CCDC73: variants seen among roughly 807,000 people sequenced by gnomAD.
CCDC73 encodes coiled-coil domain-containing protein 73.
CCDC73 carries 95 observed loss-of-function variants against 116.5 expected under a neutral mutation model. The observed-to-expected ratio is 0.82, with a 90% CI of 0.69 to 0.97. CCDC73 has a LOEUF of 0.97. Ranked by LOEUF, CCDC73 falls within the 50% of genes least tolerant of loss-of-function variation. The pLI, the probability that CCDC73 is intolerant of heterozygous loss-of-function variation, is 0.00. For missense variants in CCDC73, 1,066 were observed against 1,206.8 expected (o/e 0.88, Z 1.73); for synonymous variants, 398 against 401.3 (o/e 0.99, Z 0.10).
intron 2 of CCDC73, among the ~76,000 whole-genome samples, chr11:32,724,610 G>A (rs2133338705): frequency 6.6e-6 from 1 of 152,180 alleles, no homozygotes; most frequent in South Asian, 2.1e-4. Flanking sequence ...ATTTCATGTT[G>A]AAATCTGTAT....
At chr11:32,732,164 A>C (rs956873328) in intron 2 of CCDC73, among the ~76,000 whole-genome samples, 1 of 152,246 alleles carries the variant, frequency 6.6e-6, no homozygotes, top group Non-Finnish European at 1.5e-5. Context: ...AAGAAAGGGT[A>C]TCAGTGATTG....
At chr11:32,764,426 T>C (rs1404357583) in intron 1 of CCDC73, among the ~76,000 whole-genome samples, 3 of 151,758 alleles carry the variant, frequency 2.0e-5, no homozygotes, top group Non-Finnish European at 3.0e-5. Flanking sequence ...CAGCAGAAAC[T>C]CCACAAGCCA....
intron 14 of CCDC73, among the ~76,000 whole-genome samples, chr11:32,630,778 C>A (rs1194399175): frequency 2.0e-5 from 3 of 151,238 alleles, no homozygotes; most frequent in African/African-American, 7.3e-5. Context: ...AAAATACAAT[C>A]AACAGTTCTC....
At chr11:32,631,598 GAAGGA>G (rs1192669056) in intron 14 of CCDC73, among the ~76,000 whole-genome samples, 3 of 150,848 alleles carry the variant, frequency 2.0e-5, no homozygotes, top group African/African-American at 7.3e-5. Flanking sequence ...GGAAGGAAAG[GAAGGA>G]AAGGAAGGGA....
intron 6 of CCDC73, among the ~76,000 whole-genome samples, chr11:32,693,078 T>C (rs992995755): frequency 6.6e-5 from 10 of 152,352 alleles, no homozygotes; most frequent in East Asian, 1.9e-4. Flanking sequence ...TTTTGGAATA[T>C]GGTTTTTGTG....
chr11:32,755,613 G>A (rs1353414704), intron 2 of CCDC73, among the ~76,000 whole-genome samples: 1 of 114,592 alleles, frequency 8.7e-6, no homozygotes, highest in Non-Finnish European at 1.8e-5. Flanking sequence ...ATATATATGT[G>A]TGTGTATATA....
chr11:32,709,569 T>C (rs1435010494), intron 3 of CCDC73, among the ~76,000 whole-genome samples: 1 of 152,222 alleles, frequency 6.6e-6, no homozygotes, highest in African/African-American at 2.4e-5. Context: ...GTGCTGGGAT[T>C]ACAGGTGTGA....
chr11:32,744,155 CTT>C (rs1238337619), intron 2 of CCDC73, among the ~76,000 whole-genome samples: 3 of 152,054 alleles, frequency 2.0e-5, no homozygotes, highest in Non-Finnish European at 4.4e-5. Context: ...TTCTGCATCT[CTT>C]GAGATAATCA....
At chr11:32,796,187 C>T (rs1175906797), upstream of CCDC73, among the ~76,000 whole-genome samples, 6 of 152,136 alleles carry the variant, frequency 3.9e-5, 1 homozygote, top group South Asian at 4.1e-4. Context: ...ATCACCATCT[C>T]GTCTGGTATA....
Position 32,617,697 on chromosome 11 carries a change from G to A in CCDC73, c.1186-1568C>T, listed in dbSNP as rs190547037. ...AGGTGAGTCAAGATTGACTTCCGTA[G>A]TTCAGATTAGGTAAGTAGATGACTG... On this transcript the variant is annotated intron_variant, in intron 14 of 17. Transcript: ENST00000335185. Among the ~76,000 whole-genome samples, 10 of 152,302 alleles carry A rather than the reference G, an allele frequency of 6.6e-5. No individual in the cohort carries two copies. In the East Asian group the frequency reaches 1.9e-3, roughly 29 times the overall value.
intron 1 of CCDC73, among the ~76,000 whole-genome samples, chr11:32,764,775 A>C (rs977885692): frequency 6.6e-6 from 1 of 152,204 alleles, no homozygotes; most frequent in African/African-American, 2.4e-5. Context: ...ATTAACCTTA[A>C]ATGTAAATGG....
At chr11:32,783,427 C>T (rs181978996) in intron 1 of CCDC73, among the ~76,000 whole-genome samples, 18 of 152,240 alleles carry the variant, frequency 1.2e-4, no homozygotes, top group African/African-American at 4.1e-4. Context: ...CAGGAAACAG[C>T]GGATCCTTGT....
chr11:32,825,066 T>C, the CCDC73 span, among the ~76,000 whole-genome samples: 4 of 152,080 alleles, frequency 2.6e-5, no homozygotes, highest in Non-Finnish European at 4.4e-5. Flanking sequence ...GCCTGGGCAA[T>C]AGAGTGAGAC....
At chr11:32,811,298 A>C in the CCDC73 span, among the ~76,000 whole-genome samples, 1 of 152,252 alleles carries the variant, frequency 6.6e-6, no homozygotes, top group African/African-American at 2.4e-5. Context: ...TTATAGTTTT[A>C]TTGCATGTGA....
chr11:32,695,818 GT>G (rs1242689740), intron 6 of CCDC73, among the ~76,000 whole-genome samples: 5 of 136,418 alleles, frequency 3.7e-5, no homozygotes, highest in Non-Finnish European at 6.3e-5. Flanking sequence ...AAGCGTTTAA[GT>G]TTTTTTTTTG....
At position 32,614,138 on chromosome 11, in the gene CCDC73, T is replaced by C. The variant is rs758746808; in HGVS notation, c.2180A>G (p.Asp727Gly). The change falls in exon 16 of 18, where the codon GAT becomes GGT. Residue 727 changes from aspartate (D) to glycine (G), a missense_variant. Asp to Gly is a moderately conservative substitution (Grantham distance 94, BLOSUM62 -1). Coordinates refer to ENST00000335185, the MANE Select transcript of CCDC73 (RefSeq NM_001008391.4). ...CATAGACATACTATGGACATTTTTA[T>C]CTGAGTTCTTCAGAAGTAGTTTTGA... Reference protein sequence around the residue: ...ANSKLLLKNSDKNVHSMSMLV... With the variant: ...ANSKLLLKNSGKNVHSMSMLV... The C allele has an allele frequency of 6.2e-7, 1 of 1,613,808 alleles. No individual in the cohort carries two copies. The highest frequency in any genetic ancestry group is 1.1e-5 in the South Asian group (1 of 91,076).
chr11:32,811,783 T>C, the CCDC73 span, among the ~76,000 whole-genome samples: 1 of 152,072 alleles, frequency 6.6e-6, no homozygotes, highest in Non-Finnish European at 1.5e-5. Flanking sequence ...CACCAAGCCA[T>C]TCATGAGGGA....
At chr11:32,807,426 C>A in the CCDC73 span, among the ~76,000 whole-genome samples, 1 of 152,126 alleles carries the variant, frequency 6.6e-6, no homozygotes, top group Non-Finnish European at 1.5e-5. Context: ...ATGAGGCCAA[C>A]AAATATTTTC....
intron 3 of CCDC73, among the ~76,000 whole-genome samples, chr11:32,712,461 T>G (rs1849908387): frequency 6.6e-6 from 1 of 152,124 alleles, no homozygotes; most frequent in South Asian, 2.1e-4. Flanking sequence ...ATGGATATGT[T>G]AATTAGTTTG....
Sources: allele counts gnomAD v4.1 joint callset (sites outside exome capture counted in the v4.1 genomes callset), GRCh38; gene constraint gnomAD v4.1.1; transcripts MANE v1.5; gene names NCBI Gene and HGNC (gene_info 2026-07-23, HGNC 2026-07-21).